MSRA: variants seen among roughly 807,000 people sequenced by gnomAD.
The protein encoded by MSRA is mitochondrial peptide methionine sulfoxide reductase.
In MSRA, 54 loss-of-function variants were observed where a neutral mutation model predicts 31.3. The observed-to-expected ratio is 1.73, with a 90% CI of 1.39 to 2.17. The LOEUF is 2.17. MSRA is among the 30% of genes most tolerant of loss of function. The pLI, the probability that MSRA is intolerant of heterozygous loss-of-function variation, is 0.00. For missense variants in MSRA, 507 were observed against 300.9 expected (o/e 1.69, Z -5.07); for synonymous variants, 169 against 116.5 (o/e 1.45, Z -2.90).
At chr8:10,299,093 T>G (rs754904965) in intron 3 of MSRA, among the ~76,000 whole-genome samples, 1 of 152,188 alleles carries the variant, frequency 6.6e-6, no homozygotes, top group Non-Finnish European at 1.5e-5. Flanking sequence ...TGATAAGAGA[T>G]AATATGTTAG....
rs566878791 is a variant in MSRA at position 10,165,629 on chromosome 8, A to G, written c.143-42204A>G. Among the ~76,000 whole-genome samples the G allele has an allele frequency of 3.9e-5, 6 of 152,320 alleles. No individual in the cohort carries two copies. In the East Asian group the frequency reaches 5.8e-4, roughly 15 times the overall value. The stretch of plus-strand genomic sequence containing the variant: ...AATTTCCTGATAAAATGAAAAAGCC[A>G]TGATATCTCTGTAGACCGAGTCTAC... On this transcript the variant is annotated intron_variant, in intron 1 of 5. Transcript: ENST00000317173.
chr8:10,249,818 C>G (rs889175923), intron 3 of MSRA, among the ~76,000 whole-genome samples: 3 of 152,210 alleles, frequency 2.0e-5, no homozygotes, highest in South Asian at 2.1e-4. Flanking sequence ...AGTCATCCAT[C>G]CATTTCTGTT....
At chr8:10,090,826 T>C (rs990417199) in intron 1 of MSRA, among the ~76,000 whole-genome samples, 32 of 152,206 alleles carry the variant, frequency 2.1e-4, no homozygotes, top group African/African-American at 5.5e-4. Flanking sequence ...TTAGCATACT[T>C]TTTTCAAAGG....
chr8:10,395,214 G>A (rs1807022479), intron 5 of MSRA, among the ~76,000 whole-genome samples: 1 of 152,162 alleles, frequency 6.6e-6, no homozygotes, highest in Non-Finnish European at 1.5e-5. Context: ...TTTGAAAGAT[G>A]TGTAGGGTTT....
At chr8:10,318,126 G>A (rs1001830431) in intron 4 of MSRA, among the ~76,000 whole-genome samples, 1 of 152,200 alleles carries the variant, frequency 6.6e-6, no homozygotes, top group African/African-American at 2.4e-5. Context: ...TTATTTTGCT[G>A]TAACTTCTCA....
rs1167745584 is a variant in MSRA at position 10,153,034 on chromosome 8, G to A, written c.143-54799G>A. On this transcript the variant is annotated intron_variant, in intron 1 of 5. Transcript: ENST00000317173. ...AGGGGATGAAGAGCTGCTGTTTAAA[G>A]GATGCAGAGTTTCAGTTTTGCAAGG... Among the ~76,000 whole-genome samples, 4 of 152,186 alleles carry A rather than the reference G, an allele frequency of 2.6e-5. No homozygotes were observed. In the East Asian group the frequency reaches 5.8e-4, roughly 22 times the overall value.
chr8:10,188,746 T>G (rs1807264645), intron 1 of MSRA, among the ~76,000 whole-genome samples: 1 of 152,252 alleles, frequency 6.6e-6, no homozygotes. Flanking sequence ...TTTGTAGAAC[T>G]TATGCCATTA....
At chr8:10,415,537 G>A (rs779080513) in intron 5 of MSRA, among the ~76,000 whole-genome samples, 4 of 152,186 alleles carry the variant, frequency 2.6e-5, no homozygotes, top group South Asian at 2.1e-4. Flanking sequence ...CCCCAGAGAC[G>A]AGTACGCAGA....
chr8:10,116,601 C>G (rs1225839699), intron 1 of MSRA, among the ~76,000 whole-genome samples: 1 of 152,122 alleles, frequency 6.6e-6, no homozygotes, highest in Non-Finnish European at 1.5e-5. Context: ...ACATACATGC[C>G]ATCGATAGAC....
At chr8:10,402,434 C>G (rs1035241249) in intron 5 of MSRA, among the ~76,000 whole-genome samples, 1 of 152,236 alleles carries the variant, frequency 6.6e-6, no homozygotes, top group Non-Finnish European at 1.5e-5. Flanking sequence ...CCTCCACTTG[C>G]AGCTCCCACT....
At chr8:10,255,498 C>G (rs944436415) in intron 3 of MSRA, among the ~76,000 whole-genome samples, 2 of 152,158 alleles carry the variant, frequency 1.3e-5, no homozygotes, top group Non-Finnish European at 2.9e-5. Flanking sequence ...CCCCTCGGTC[C>G]CGGCAGGTAA....
At chr8:10,106,201 C>G (rs185611788) in intron 1 of MSRA, among the ~76,000 whole-genome samples, 4 of 152,288 alleles carry the variant, frequency 2.6e-5, no homozygotes, top group Non-Finnish European at 5.9e-5. Flanking sequence ...AGGTATGGTT[C>G]TCACAGACTT....
At chr8:10,378,107 C>T (rs112219891) in intron 5 of MSRA, among the ~76,000 whole-genome samples, 1 of 152,212 alleles carries the variant, frequency 6.6e-6, no homozygotes, top group African/African-American at 2.4e-5. Context: ...CCTGAGGGCA[C>T]AGGGCGGAAG....
intron 1 of MSRA, among the ~76,000 whole-genome samples, chr8:10,109,079 C>T (rs554183887): frequency 4.2e-4 from 64 of 152,296 alleles, no homozygotes; most frequent in Middle Eastern, 6.8e-3. Flanking sequence ...CCAGCGCATT[C>T]CCTTTCTCAC....
chr8:10,080,579 G>A (rs1052989091), intron 1 of MSRA, among the ~76,000 whole-genome samples: 3 of 152,088 alleles, frequency 2.0e-5, no homozygotes, highest in African/African-American at 7.2e-5. Context: ...AGGCTAGAGT[G>A]CAGTAGCACA....
intron 4 of MSRA, among the ~76,000 whole-genome samples, chr8:10,313,213 C>G (rs1801530993): frequency 1.3e-5 from 2 of 152,334 alleles, no homozygotes; most frequent in South Asian, 2.1e-4. Flanking sequence ...CTGTGAACTT[C>G]TCTCTCTATA....
intron 1 of MSRA, among the ~76,000 whole-genome samples, chr8:10,149,597 C>T (rs923381841): frequency 3.3e-5 from 5 of 152,038 alleles, no homozygotes; most frequent in African/African-American, 7.2e-5. Flanking sequence ...GGCAGGCTAA[C>T]GTTTTAATAA....
rs1212250463 is a variant in MSRA, at chr8:10,284,731, G to A, written c.332-16803G>A. On this transcript the variant is annotated intron_variant, in intron 3 of 5. Coordinates refer to ENST00000317173, the MANE Select transcript of MSRA (RefSeq NM_012331.5). The stretch of plus-strand genomic sequence containing the variant: ...GGTTCTGACTCCGCCCCTCAGTGGT[G>A]GTGTGATGGTGGCTGTGCCATGTAA... 2.0e-5 allele frequency among the ~76,000 whole-genome samples: 3 copies of A among 152,082 alleles called. No individual in the cohort carries two copies. The East Asian group carries it at 5.8e-4, about 29-fold the overall frequency.
At chr8:10,156,514 A>G (rs1804163006) in intron 1 of MSRA, among the ~76,000 whole-genome samples, 1 of 152,188 alleles carries the variant, frequency 6.6e-6, no homozygotes. Context: ...AGTTATCAGT[A>G]TTCAATGCTA....
Sources: gnomAD v4.1 joint callset for allele counts (sites outside exome capture counted in the v4.1 genomes callset) on GRCh38, gnomAD v4.1.1 for gene constraint, MANE v1.5 for transcripts, NCBI Gene and HGNC (gene_info 2026-07-23, HGNC 2026-07-21) for gene names.